PDZRN3: variants seen among roughly 807,000 people sequenced by gnomAD.
The protein encoded by PDZRN3 is PDZ domain containing ring finger 3.
In PDZRN3, 38 loss-of-function variants were observed where a neutral mutation model predicts 85.7. The ratio of observed to expected loss-of-function variants is 0.44; its 90% CI spans 0.34 to 0.58. The LOEUF is 0.58. Among genes scored for constraint, PDZRN3 ranks in the 20% least tolerant of loss-of-function variants. The probability of loss-of-function intolerance (pLI) is 0.01; values close to 1 mark genes in which losing one functional copy is unlikely to be tolerated. For missense variants in PDZRN3, 1,629 were observed against 1,506.4 expected (o/e 1.08, Z -1.35); for synonymous variants, 759 against 638.0 (o/e 1.19, Z -2.86).
At chr3:73,479,308 G>C (rs1331546304) in intron 3 of PDZRN3, among the ~76,000 whole-genome samples, 1 of 151,884 alleles carries the variant, frequency 6.6e-6, no homozygotes, top group Non-Finnish European at 1.5e-5. Flanking sequence ...AAGTTGTAAA[G>C]AGACCAATTA....
At position 73,383,438 on chromosome 3, in the gene PDZRN3, A is replaced by G. The variant is rs1703298492; in HGVS notation, c.3128T>C (p.Leu1043Pro). The G allele has an allele frequency of 5.6e-6, 9 of 1,614,110 alleles. No homozygotes were observed. The highest frequency in any genetic ancestry group is 7.6e-6 in the Non-Finnish European group (9 of 1,179,990). The stretch of plus-strand genomic sequence containing the variant: ...CGGGGATTTTGTGCCGTGGGTTAAG[A>G]GTTCTTGGATCGTCATCCAGTTATC... Reference protein sequence around the residue: ...IFDNWMTIQELLTHGTKSPDG... With the variant: ...IFDNWMTIQEPLTHGTKSPDG... Residue 1043 changes from leucine to proline, a missense_variant, in exon 10 of 10, where the codon CTC (leucine) becomes CCC (proline). By Grantham distance (98) the Leu-to-Pro change is moderately conservative. Coordinates refer to ENST00000263666, the MANE Select transcript of PDZRN3 (RefSeq NM_015009.3).
chr3:73,440,224 A>T (rs748739455), intron 3 of PDZRN3, among the ~76,000 whole-genome samples: 4 of 152,158 alleles, frequency 2.6e-5, no homozygotes, highest in Non-Finnish European at 5.9e-5. Flanking sequence ...TTTTACAATA[A>T]CATGGAGAGG....
At chr3:73,597,505 A>G (rs1307707429) in intron 3 of PDZRN3, among the ~76,000 whole-genome samples, 1 of 152,174 alleles carries the variant, frequency 6.6e-6, no homozygotes, top group Non-Finnish European at 1.5e-5. Flanking sequence ...CATTGGATCC[A>G]GGGAATCAAG....
intron 3 of PDZRN3, among the ~76,000 whole-genome samples, chr3:73,473,174 T>C (rs896431076): frequency 4.6e-5 from 7 of 152,242 alleles, no homozygotes; most frequent in African/African-American, 1.7e-4. Flanking sequence ...AACCTTCCAC[T>C]ATGTCTTTTT....
intron 3 of PDZRN3, among the ~76,000 whole-genome samples, chr3:73,432,608 G>A (rs931454680): frequency 6.6e-6 from 1 of 152,058 alleles, no homozygotes; most frequent in Non-Finnish European, 1.5e-5. Flanking sequence ...GTCTCCCTGT[G>A]TCTCTTTAAG....
chr3:73,453,686 T>C (rs942444160), intron 3 of PDZRN3, among the ~76,000 whole-genome samples: 7 of 152,150 alleles, frequency 4.6e-5, no homozygotes, highest in African/African-American at 1.7e-4. Context: ...AAACACAGTT[T>C]GAAAAACTCT....
In PDZRN3 at chr3:73,399,474, C is replaced by A. The variant is rs533701769; in HGVS notation, c.1254+1448G>T. The stretch of plus-strand genomic sequence containing the variant: ...CAGAAGTCCTCCAAGAAATCTGTTT[C>A]GTTGTCTTCAGTCTGGCATTTCCCA... On this transcript the variant is annotated intron_variant, in intron 5 of 9. Coordinates refer to ENST00000263666, the MANE Select transcript of PDZRN3 (RefSeq NM_015009.3). 2.6e-5 allele frequency among the ~76,000 whole-genome samples: 4 copies of A among 152,256 alleles called. No individual in the cohort carries two copies. The East Asian group carries it at 7.7e-4, about 29-fold the overall frequency.
chr3:73,389,710 T>C (rs375018614), intron 7 of PDZRN3, 106 bp downstream of exon 7: 7 of 821,998 alleles, frequency 8.5e-6, no homozygotes, highest in South Asian at 5.6e-5. Context: ...TTGTGATCCC[T>C]GTTCTTTAAC....
intron 3 of PDZRN3, among the ~76,000 whole-genome samples, chr3:73,587,625 G>T (rs1294671606): frequency 6.6e-6 from 1 of 152,146 alleles, no homozygotes; most frequent in Non-Finnish European, 1.5e-5. Context: ...AGCAGTGAAA[G>T]AATTCTTCCT....
At chr3:73,401,234 T>C (rs1701742809) in intron 4 of PDZRN3, among the ~76,000 whole-genome samples, 1 of 152,224 alleles carries the variant, frequency 6.6e-6, no homozygotes, top group Non-Finnish European at 1.5e-5. Context: ...AGATGCAAAG[T>C]GCAAGCCTGA....
At chr3:73,432,868 C>T (rs1702459703) in intron 3 of PDZRN3, among the ~76,000 whole-genome samples, 1 of 151,942 alleles carries the variant, frequency 6.6e-6, no homozygotes, top group African/African-American at 2.4e-5. Flanking sequence ...GGAGAAAATC[C>T]TTACCTGCCA....
intron 3 of PDZRN3, among the ~76,000 whole-genome samples, chr3:73,410,923 C>T (rs1701954016): frequency 6.6e-6 from 1 of 152,182 alleles, no homozygotes. Flanking sequence ...CATCACCTTA[C>T]AGGTGATAAT....
intron 3 of PDZRN3, among the ~76,000 whole-genome samples, chr3:73,522,433 C>G (rs1413273322): frequency 4.6e-5 from 7 of 152,170 alleles, no homozygotes; most frequent in Admixed American, 1.3e-4. Flanking sequence ...GCTGTGTGCT[C>G]CTCAGAAGGG....
At chr3:73,499,732 G>A (rs1311290091) in intron 3 of PDZRN3, among the ~76,000 whole-genome samples, 2 of 152,162 alleles carry the variant, frequency 1.3e-5, no homozygotes, top group African/African-American at 4.8e-5. Flanking sequence ...AAGCAGTAAG[G>A]GGATCTGGGG....
chr3:73,386,786 C>T (rs1476667285), intron 8 of PDZRN3, among the ~76,000 whole-genome samples: 1 of 152,182 alleles, frequency 6.6e-6, no homozygotes, highest in African/African-American at 2.4e-5. Context: ...GAGATGATTG[C>T]TGAAGTTCCC....
intron 3 of PDZRN3, among the ~76,000 whole-genome samples, chr3:73,490,909 G>A (rs778473095): frequency 2.0e-5 from 3 of 152,186 alleles, no homozygotes; most frequent in Admixed American, 1.3e-4. Context: ...ATAAGTGCAG[G>A]CACAGCAGTC....
chr3:73,408,988 A>G (rs1032706633), intron 3 of PDZRN3, among the ~76,000 whole-genome samples: 4 of 152,192 alleles, frequency 2.6e-5, no homozygotes, highest in Admixed American at 6.5e-5. Flanking sequence ...AACTTGCCCA[A>G]TTGAGCAGAT....
chr3:73,490,561 G>T (rs1325799536), intron 3 of PDZRN3, among the ~76,000 whole-genome samples: 1 of 152,036 alleles, frequency 6.6e-6, no homozygotes, highest in Non-Finnish European at 1.5e-5. Flanking sequence ...AAGATCAAAG[G>T]TTTTTTTTCT....
chr3:73,496,061 CT>C (rs2106672410), intron 3 of PDZRN3, among the ~76,000 whole-genome samples: 1 of 151,206 alleles, frequency 6.6e-6, no homozygotes, highest in South Asian at 2.1e-4. Context: ...GCCTGAAAGA[CT>C]AAGTCTCAAG....
Sources: allele counts gnomAD v4.1 joint callset (sites outside exome capture counted in the v4.1 genomes callset), GRCh38; gene constraint gnomAD v4.1.1; transcripts MANE v1.5; gene names NCBI Gene and HGNC (gene_info 2026-07-23, HGNC 2026-07-21).